ZNF615: variants seen among roughly 807,000 people sequenced by gnomAD.
ZNF615 encodes zinc finger protein 615.
A neutral mutation model predicts 15.3 loss-of-function variants in ZNF615; 15 were observed. The observed-to-expected ratio is 0.98, with a 90% CI of 0.66 to 1.51. The LOEUF (loss-of-function observed/expected upper bound fraction) is 1.51. Among genes scored for constraint, ZNF615 ranks in the 40% most tolerant of loss-of-function variants. The pLI, the probability that ZNF615 is intolerant of heterozygous loss-of-function variation, is 0.00. For synonymous variants in ZNF615, 268 were observed against 294.6 expected (o/e 0.91, Z 0.92); for missense variants, 848 against 895.9 (o/e 0.95, Z 0.68).
At chr19:51,997,543 G>C (rs2086475927) in intron 6 of ZNF615, among the ~76,000 whole-genome samples, 1 of 152,126 alleles carries the variant, frequency 6.6e-6, no homozygotes, top group Non-Finnish European at 1.5e-5. Flanking sequence ...CAGAAAGAGG[G>C]AACAATGATT....
Position 52,003,698 on chromosome 19 carries a change from T to C in ZNF615, c.14A>G (p.Gln5Arg), listed in dbSNP as rs777639224. Residue 5 changes from glutamine (Q) to arginine (R), a missense_variant and splice_region_variant, in exon 3 of 7, where the codon CAG becomes CGG. Transcript: ENST00000598071. The part of the protein sequence containing the change: MMQA[Q>R]ESLTLEDVAV... ...AGAATAAAACAAACCAAAAGTCACC[T>C]GGGCCTGCATCATTGTCTCCTAAAT... 1.9e-6 allele frequency: 3 copies of C among 1,612,554 alleles called. No homozygotes were observed. Among genetic ancestry groups the C allele is most frequent in the Non-Finnish European group, 2.5e-6 (3 of 1,179,230 alleles).
intron 3 of ZNF615, chr19:52,002,507 A>G: frequency 1.6e-6 from 1 of 638,210 alleles, no homozygotes; most frequent in Non-Finnish European, 2.9e-6. Context: ...ATACACAGCT[A>G]TCCAATCCTC....
rs777727106 is a variant in ZNF615 at position 52,008,185 on chromosome 19, A to G, written c.-272T>C. The G allele has an allele frequency of 6.5e-7, 1 of 1,535,230 alleles. No homozygotes were observed. Among genetic ancestry groups the G allele is most frequent in the South Asian group, 1.2e-5 (1 of 84,044 alleles). On this transcript the variant is annotated 5_prime_UTR_variant, in exon 1 of 7. Transcript: ENST00000598071. The stretch of plus-strand genomic sequence containing the variant: ...TCCGGCCTCATCTCTCGGCCTCCTC[A>G]GTGCCTGACGGCGACTATCCAGGGT...
intron 2 of ZNF615, among the ~76,000 whole-genome samples, chr19:52,005,772 C>T (rs186941237): frequency 7.2e-5 from 11 of 152,276 alleles, no homozygotes; most frequent in African/African-American, 2.6e-4. Context: ...ATTACAATGG[C>T]AGAGTTGAGA....
At position 51,992,563 on chromosome 19, in the gene ZNF615, G is replaced by T; in HGVS notation, c.*317C>A. ...TCAATCTGTTGAAGTTTTATTTTTG[G>T]GCAAAGACGTTCCTATAATTATTAC... On this transcript the variant is annotated 3_prime_UTR_variant, in exon 7 of 7. Coordinates refer to ENST00000598071, the MANE Select transcript of ZNF615 (RefSeq NM_001199324.2). The T allele has an allele frequency of 4.3e-6, 1 of 233,344 alleles. No individual in the cohort carries two copies. Among genetic ancestry groups the T allele is most frequent in the South Asian group, 1.1e-4 (1 of 9,424 alleles). The allele number at this position is 233,344 out of a possible 1,614,324, so 14.5% of individuals were successfully genotyped here.
rs1026700452 is a variant in ZNF615, at chr19:51,993,559, T to C, written c.1550A>G (p.His517Arg). 1.9e-6 allele frequency: 3 copies of C among 1,614,040 alleles called. No individual in the cohort carries two copies. Among genetic ancestry groups the C allele is most frequent in the African/African-American group, 2.7e-5 (2 of 74,910 alleles). ...KSRLIVHQRT[H>R]TGEKPYVCGE... ...ACATACATAGGGTTTTTCTCCAGTATGAGTTCGCTGATGCACAATAAGGCG... is the reference window on the plus strand; with the variant it reads ...ACATACATAGGGTTTTTCTCCAGTACGAGTTCGCTGATGCACAATAAGGCG... The change falls in exon 7 of 7, where the codon CAT (histidine) becomes CGT (arginine). Residue 517 changes from histidine (H) to arginine (R), a missense_variant. Coordinates refer to ENST00000598071, the MANE Select transcript of ZNF615 (RefSeq NM_001199324.2).
At chr19:52,007,262 A>T (rs2086778608) in intron 2 of ZNF615, 31 bp downstream of exon 2, 1 of 1,269,184 alleles carries the variant, frequency 7.9e-7, no homozygotes, top group African/African-American at 1.5e-5. Context: ...TGAAAATTTG[A>T]CAAAGGTTAT....
intron 5 of ZNF615, 77 bp downstream of exon 5, chr19:52,001,736 T>G: frequency 8.3e-7 from 1 of 1,206,822 alleles, no homozygotes; most frequent in Non-Finnish European, 1.2e-6. Context: ...TCAGATGCCC[T>G]CACTGCTTTG....
chr19:52,005,556 C>T (rs1284798332), intron 2 of ZNF615, among the ~76,000 whole-genome samples: 2 of 152,196 alleles, frequency 1.3e-5, no homozygotes, highest in Non-Finnish European at 2.9e-5. Context: ...CCCAACAAAA[C>T]TTTATTAACA....
chr19:51,998,361 C>T (rs2086500180), intron 6 of ZNF615, among the ~76,000 whole-genome samples: 1 of 152,156 alleles, frequency 6.6e-6, no homozygotes, highest in South Asian at 2.1e-4. Context: ...GAACACTCTT[C>T]ATCCAGGGAG....
At position 51,992,295 on chromosome 19, in the gene ZNF615, A is replaced by C. The variant is rs1386365134; in HGVS notation, c.*585T>G. 1 of 152,334 alleles carries C rather than the reference A, an allele frequency of 6.6e-6. No homozygotes were observed. The highest frequency in any genetic ancestry group is 1.5e-5 in the Non-Finnish European group (1 of 68,120). 9.4% of individuals were successfully genotyped at this position (152,334 alleles called of 1,614,324 possible). ...TATGGCTCAAGCTATCCTGTTCCCAAATGCACATGAGGCATATTATCTGTT... is the reference window on the plus strand; with the variant it reads ...TATGGCTCAAGCTATCCTGTTCCCACATGCACATGAGGCATATTATCTGTT... On this transcript the variant is annotated 3_prime_UTR_variant, in exon 7 of 7. Transcript: ENST00000598071.
Position 51,993,327 on chromosome 19 carries a change from G to A in ZNF615, c.1782C>T (p.Leu594=), listed in dbSNP as rs147050024. 16 of 1,613,786 alleles carry A rather than the reference G, an allele frequency of 9.9e-6. No individual in the cohort carries two copies. The African/African-American group carries it at 1.7e-4, about 18-fold the overall frequency. ...CAGTATGAGTTCGCTGATGTGCAAT[G>A]AGCATGCTTTTCCCAGTTAAGCCTT... ...CGKGLTGKSM[L]IAHQRTHTGE... Residue 594 remains leucine, a synonymous_variant, in exon 7 of 7, where the codon CTC becomes CTT. Transcript: ENST00000598071.
intron 3 of ZNF615, among the ~76,000 whole-genome samples, chr19:52,002,941 C>T (rs532894866): frequency 6.6e-6 from 1 of 152,082 alleles, no homozygotes; most frequent in African/African-American, 2.4e-5. Flanking sequence ...ATTCTCCTGC[C>T]TCAGCCTCCC....
chr19:52,001,446 C>T (rs1156814978), intron 5 of ZNF615, among the ~76,000 whole-genome samples: 5 of 151,752 alleles, frequency 3.3e-5, no homozygotes, highest in Non-Finnish European at 5.9e-5. Flanking sequence ...GGTGAAACCC[C>T]GTTTCTACTA....
intron 1 of ZNF615, among the ~76,000 whole-genome samples, 167 bp from the exon 2 acceptor site, chr19:52,007,497 G>A (rs1419737239): frequency 6.6e-6 from 1 of 152,182 alleles, no homozygotes; most frequent in Non-Finnish European, 1.5e-5. Context: ...AGGTGCCAAA[G>A]GGGATTTAAA....
intron 3 of ZNF615, among the ~76,000 whole-genome samples, chr19:52,003,144 G>GAA (rs57061790): frequency 1.1e-4 from 16 of 150,286 alleles, no homozygotes; most frequent in African/African-American, 3.2e-4. Context: ...AGCAAATTTG[G>GAA]AAAAAAAAAT....
At chr19:52,000,142 T>C in intron 6 of ZNF615, 1 of 398,960 alleles carries the variant, frequency 2.5e-6, no homozygotes. Flanking sequence ...AAATACTGTG[T>C]ATTCTCACTT....
chr19:51,998,067 C>G (rs564947021), intron 6 of ZNF615, among the ~76,000 whole-genome samples: 11 of 152,136 alleles, frequency 7.2e-5, no homozygotes, highest in Non-Finnish European at 1.3e-4. Flanking sequence ...CTACCTTCTA[C>G]GTAGCAGGCA....
chr19:52,006,275 G>A (rs193018763), intron 2 of ZNF615, among the ~76,000 whole-genome samples: 212 of 152,168 alleles, frequency 1.4e-3, no homozygotes, highest in Admixed American at 2.0e-3. Context: ...CCAGGCGGGA[G>A]GAAGGGAGAG....
Sources: gnomAD v4.1 joint callset for allele counts (sites outside exome capture counted in the v4.1 genomes callset) on GRCh38, gnomAD v4.1.1 for gene constraint, MANE v1.5 for transcripts, NCBI Gene and HGNC (gene_info 2026-07-23, HGNC 2026-07-21) for gene names.